Variants in GJB7 observed in about 807,000 individuals in gnomAD.
GJB7 encodes the protein gap junction protein beta 7.
For missense variants in GJB7, 253 were observed against 256.8 expected (o/e 0.99, Z 0.10); for synonymous variants, 87 against 95.2 (o/e 0.91, Z 0.50).
At chr6:87,312,563 T>G (rs1276839238) in intron 2 of GJB7, among the ~76,000 whole-genome samples, 2 of 151,848 alleles carry the variant, frequency 1.3e-5, no homozygotes, top group South Asian at 2.1e-4. Context: ...AGCTCTAAGT[T>G]TAGCACCAGT....
chr6:87,285,064 C>A (rs543612451), intron 2 of GJB7, 125 bp from the exon 3 acceptor site: 3 of 646,260 alleles, frequency 4.6e-6, no homozygotes, highest in Non-Finnish European at 7.9e-6. Context: ...TGGTTTAGGG[C>A]TCTCTAAGAA....
At chr6:87,326,931 C>A (rs1371234757) in intron 1 of GJB7, among the ~76,000 whole-genome samples, 1 of 107,624 alleles carries the variant, frequency 9.3e-6, no homozygotes, top group African/African-American at 4.1e-5. Context: ...TCAGGACTTG[C>A]TTTATGAATC....
At chr6:87,291,047 C>T (rs1283931677) in intron 2 of GJB7, among the ~76,000 whole-genome samples, 1 of 152,116 alleles carries the variant, frequency 6.6e-6, no homozygotes, top group African/African-American at 2.4e-5. Flanking sequence ...TGATTGGAGA[C>T]GAGTGGTAGA....
At chr6:87,308,359 A>G (rs1776464847) in intron 2 of GJB7, among the ~76,000 whole-genome samples, 1 of 152,220 alleles carries the variant, frequency 6.6e-6, no homozygotes, top group African/African-American at 2.4e-5. Flanking sequence ...CGTGTACCCT[A>G]GAACTTAAAG....
intron 2 of GJB7, among the ~76,000 whole-genome samples, chr6:87,303,394 A>C (rs1776366776): frequency 6.6e-6 from 1 of 152,242 alleles, no homozygotes; most frequent in African/African-American, 2.4e-5. Flanking sequence ...CTGATAAAAC[A>C]GACTTTAAAC....
intron 2 of GJB7, among the ~76,000 whole-genome samples, chr6:87,316,600 T>A (rs1037138617): frequency 7.9e-5 from 12 of 152,220 alleles, no homozygotes; most frequent in Admixed American, 6.5e-4. Context: ...GCTTGGCTGG[T>A]GGCAAAGCCA....
At chr6:87,285,251 A>G (rs1446658884) in intron 2 of GJB7, among the ~76,000 whole-genome samples, 1 of 152,162 alleles carries the variant, frequency 6.6e-6, no homozygotes, top group East Asian at 1.9e-4. Flanking sequence ...GCTTCCCTCT[A>G]AAGATGGATG....
intron 2 of GJB7, among the ~76,000 whole-genome samples, chr6:87,289,324 C>T (rs1776123622): frequency 6.6e-6 from 1 of 152,040 alleles, no homozygotes; most frequent in Non-Finnish European, 1.5e-5. Context: ...TACTTGTTTT[C>T]GTGATTAATA....
chr6:87,313,077 T>C (rs1002749009), intron 2 of GJB7, among the ~76,000 whole-genome samples: 1 of 152,242 alleles, frequency 6.6e-6, no homozygotes, highest in African/African-American at 2.4e-5. Flanking sequence ...CACTGGGTTA[T>C]CTTAATTTGG....
At chr6:87,327,417 G>A (rs1253407352) in intron 1 of GJB7, among the ~76,000 whole-genome samples, 2 of 152,118 alleles carry the variant, frequency 1.3e-5, no homozygotes, top group African/African-American at 4.8e-5. Context: ...CATGTTTAGT[G>A]CTTCCTTCAG....
intron 2 of GJB7, among the ~76,000 whole-genome samples, chr6:87,297,461 A>G (rs6938885): frequency 0.39 from 59,733 of 152,092 alleles, 12,064 homozygotes; most frequent in Admixed American, 0.52. Context: ...GAGAAACTTA[A>G]TGGAAGTTTT....
rs79398186 is a variant in GJB7 at position 87,298,131 on chromosome 6, C to G, written c.-27-13192G>C. 5.4e-3 allele frequency among the ~76,000 whole-genome samples: 827 copies of G among 152,304 alleles called. 5 individuals carry two copies. The highest frequency in any genetic ancestry group is 0.037 in the Middle Eastern group (11 of 294). On this transcript the variant is annotated intron_variant, in intron 2 of 2. Coordinates refer to ENST00000525899, the MANE Select transcript of GJB7 (RefSeq NM_198568.3). ...TGGCTATGACAGATTTGTGGCCAAT[C>G]AATCCTCTAGCTGAGAACAACTAGA...
intron 2 of GJB7, among the ~76,000 whole-genome samples, chr6:87,302,604 G>T (rs1323889541): frequency 6.6e-6 from 1 of 152,206 alleles, no homozygotes; most frequent in Non-Finnish European, 1.5e-5. Context: ...AAAACACTCT[G>T]CAGGATATTA....
At chr6:87,314,341 G>T (rs914225377) in intron 2 of GJB7, among the ~76,000 whole-genome samples, 5 of 152,170 alleles carry the variant, frequency 3.3e-5, no homozygotes, top group Non-Finnish European at 7.4e-5. Context: ...TATCTCAGAG[G>T]GCTCCCCTTT....
At chr6:87,318,635 T>C (rs1776616915) in intron 2 of GJB7, among the ~76,000 whole-genome samples, 1 of 152,158 alleles carries the variant, frequency 6.6e-6, no homozygotes, top group Non-Finnish European at 1.5e-5. Flanking sequence ...AATATCATAT[T>C]AGCAAAAATA....
In GJB7 at chr6:87,303,572, A is replaced by T. The variant is rs199925800; in HGVS notation, c.-27-18633T>A. Among the ~76,000 whole-genome samples, 641 of 152,306 alleles carry T rather than the reference A, an allele frequency of 4.2e-3. 20 individuals are homozygous for T. In the East Asian group the frequency reaches 0.1, roughly 25 times the overall value. ...AAGAGACTTAGACTTCCACACAATG[A>T]TAATGGGAGACTAACACCACACTGT... is the stretch of plus-strand genomic sequence containing the variant. On this transcript the variant is annotated intron_variant, in intron 2 of 2. Transcript: ENST00000525899.
chr6:87,320,351 G>T (rs553028561), intron 2 of GJB7, among the ~76,000 whole-genome samples: 100 of 152,214 alleles, frequency 6.6e-4, no homozygotes, highest in African/African-American at 2.3e-3. Context: ...AGTTAATTTG[G>T]CTTGGGAGAA....
intron 2 of GJB7, among the ~76,000 whole-genome samples, chr6:87,321,744 C>T (rs1272965662): frequency 1.3e-5 from 2 of 152,178 alleles, no homozygotes; most frequent in Non-Finnish European, 2.9e-5. Flanking sequence ...CATTAGCTCA[C>T]AGTTCCACAG....
intron 2 of GJB7, among the ~76,000 whole-genome samples, chr6:87,287,861 T>C (rs1214560183): frequency 6.6e-6 from 1 of 152,170 alleles, no homozygotes; most frequent in Non-Finnish European, 1.5e-5. Flanking sequence ...GCATCAAATG[T>C]CATAATTATG....
Sources: gnomAD v4.1 joint callset for allele counts (sites outside exome capture counted in the v4.1 genomes callset) on GRCh38, gnomAD v4.1.1 for gene constraint, MANE v1.5 for transcripts, NCBI Gene and HGNC (gene_info 2026-07-23, HGNC 2026-07-21) for gene names.